The following PTPRR variants were observed in gnomAD, a reference collection of about 807,000 sequenced individuals.
PTPRR encodes the protein receptor-type tyrosine-protein phosphatase R.
A neutral mutation model predicts 77.2 loss-of-function variants in PTPRR; 38 were observed. The ratio of observed to expected loss-of-function variants is 0.49; its 90% CI spans 0.38 to 0.65. The LOEUF (loss-of-function observed/expected upper bound fraction) is 0.65, where lower values mean the gene tolerates loss of function less well. Ranked by LOEUF, PTPRR falls within the 30% of genes least tolerant of loss-of-function variation. The probability of loss-of-function intolerance (pLI) is 0.00; values close to 1 mark genes in which losing one functional copy is unlikely to be tolerated. For synonymous variants in PTPRR, 299 were observed against 283.1 expected (o/e 1.06, Z -0.57); for missense variants, 744 against 799.2 (o/e 0.93, Z 0.83).
rs184005197 is a variant in PTPRR at position 70,804,962 on chromosome 12, A to T, written c.358-40184T>A. Among the ~76,000 whole-genome samples, 25 of 152,334 alleles carry T rather than the reference A, an allele frequency of 1.6e-4. No individual in the cohort carries two copies. In the East Asian group the frequency reaches 4.0e-3, roughly 25 times the overall value. ...ATCATGTCCATATATTCACTAAAAG[A>T]TAGCAAATAATATTTTATGTATCTC... On this transcript the variant is annotated intron_variant, in intron 2 of 13. Coordinates refer to ENST00000283228, the MANE Select transcript of PTPRR (RefSeq NM_002849.4).
intron 1 of PTPRR, among the ~76,000 whole-genome samples, chr12:70,910,686 C>T (rs1893686918): frequency 6.6e-6 from 1 of 152,074 alleles, no homozygotes; most frequent in Non-Finnish European, 1.5e-5. Context: ...GGAAATAAAA[C>T]AATCAAAAGT....
At chr12:70,708,895 G>A (rs749632273) in intron 6 of PTPRR, among the ~76,000 whole-genome samples, 4 of 151,242 alleles carry the variant, frequency 2.6e-5, no homozygotes, top group Non-Finnish European at 5.9e-5. Context: ...GTCTCTTTAT[G>A]CAATCAACTA....
At position 70,752,657 on chromosome 12, in the gene PTPRR, A is replaced by G. The variant is rs144859031; in HGVS notation, c.738+1534T>C. Among the ~76,000 whole-genome samples, 60 of 152,272 alleles carry G rather than the reference A, an allele frequency of 3.9e-4. 1 individual carries two copies. The South Asian group carries it at 5.0e-3, about 13-fold the overall frequency. ...TCTATCCTTGCCTTTGCTCTTCTGAATCACATCCATTGATCCCCTGAATAT... is the reference window on the plus strand; with the variant it reads ...TCTATCCTTGCCTTTGCTCTTCTGAGTCACATCCATTGATCCCCTGAATAT... On this transcript the variant is annotated intron_variant, in intron 5 of 13. Transcript: ENST00000283228.
At chr12:70,733,470 C>CAAAAAA (rs1193950231) in intron 6 of PTPRR, among the ~76,000 whole-genome samples, 2 of 74,078 alleles carry the variant, frequency 2.7e-5, no homozygotes, top group African/African-American at 8.7e-5. Flanking sequence ...AAAATTATGG[C>CAAAAAA]AAAAAAAAAA....
At chr12:70,694,871 T>G (rs1888177404) in intron 8 of PTPRR, among the ~76,000 whole-genome samples, 1 of 152,212 alleles carries the variant, frequency 6.6e-6, no homozygotes, top group African/African-American at 2.4e-5. Flanking sequence ...TTTCTATTGA[T>G]GTATGATTAT....
chr12:70,894,902 T>C (rs1427797499), intron 1 of PTPRR, among the ~76,000 whole-genome samples: 2 of 151,738 alleles, frequency 1.3e-5, no homozygotes, highest in Non-Finnish European at 3.0e-5. Context: ...CAATTTAGCA[T>C]GCTCGGAACT....
At chr12:70,809,163 T>A (rs188722693) in intron 2 of PTPRR, among the ~76,000 whole-genome samples, 181 of 152,298 alleles carry the variant, frequency 1.2e-3, no homozygotes, top group Non-Finnish European at 2.3e-3. Flanking sequence ...TTATGTTTCC[T>A]TATAAAAAAG....
intron 6 of PTPRR, among the ~76,000 whole-genome samples, chr12:70,712,149 C>T (rs1413957737): frequency 6.6e-6 from 1 of 151,914 alleles, no homozygotes; most frequent in Non-Finnish European, 1.5e-5. Context: ...TGCTGGGTTA[C>T]TCTGTGGCCA....
rs869285373 is a variant in PTPRR, at chr12:70,827,709, C to CTT, written c.358-62933_358-62932dup. Among the ~76,000 whole-genome samples, 19 of 63,870 alleles carry CTT rather than the reference C, an allele frequency of 3.0e-4. 3 individuals carry two copies. Among genetic ancestry groups the CTT allele is most frequent in the Non-Finnish European group, 4.0e-4 (15 of 37,060 alleles). 41.9% of individuals were successfully genotyped at this position (63,870 alleles called of 152,430 possible). A position where few individuals can be genotyped will look rare whatever the true frequency, so the allele number is the denominator to read the frequency against. ...TATAGGTGCCTGCCACCACACCTGG[C>CTT]TTTTTTTTTTTTTTTTTTTTTTTTT... On this transcript the variant is annotated intron_variant, in intron 2 of 13. Transcript: ENST00000283228.
At chr12:70,918,610 A>G (rs916876852) in intron 1 of PTPRR, among the ~76,000 whole-genome samples, 3 of 152,216 alleles carry the variant, frequency 2.0e-5, no homozygotes, top group African/African-American at 4.8e-5. Flanking sequence ...GTAAATCAAG[A>G]CATGTTTTTC....
intron 2 of PTPRR, among the ~76,000 whole-genome samples, chr12:70,799,774 G>A (rs543335954): frequency 7.9e-5 from 12 of 152,222 alleles, no homozygotes; most frequent in African/African-American, 2.2e-4. Context: ...TCCAAGCCCC[G>A]TTTTTTAAAT....
chr12:70,876,144 C>A (rs1008897367), intron 2 of PTPRR, among the ~76,000 whole-genome samples: 1 of 151,974 alleles, frequency 6.6e-6, no homozygotes, highest in African/African-American at 2.4e-5. Flanking sequence ...GCTAAAAAAT[C>A]TTTCTTTTGA....
At position 70,825,813 on chromosome 12, in the gene PTPRR, T is replaced by A. The variant is rs545662134; in HGVS notation, c.358-61035A>T. Among the ~76,000 whole-genome samples the A allele has an allele frequency of 6.6e-4, 100 of 152,282 alleles. 1 individual carries two copies. The South Asian group carries it at 0.011, about 16-fold the overall frequency. ...AGCACTGTGCCTGGTATGAAAAAAGTCTTCAATAAATTGGGGGAAGAAGCA... is the reference window on the plus strand; with the variant it reads ...AGCACTGTGCCTGGTATGAAAAAAGACTTCAATAAATTGGGGGAAGAAGCA... On this transcript the variant is annotated intron_variant, in intron 2 of 13. Transcript: ENST00000283228.
chr12:70,713,184 T>A (rs899787034), intron 6 of PTPRR, among the ~76,000 whole-genome samples: 1 of 152,194 alleles, frequency 6.6e-6, no homozygotes, highest in African/African-American at 2.4e-5. Context: ...TTACGTAGCA[T>A]AAATGTTTTC....
chr12:70,821,112 T>C (rs995473403), intron 2 of PTPRR, among the ~76,000 whole-genome samples: 2 of 151,062 alleles, frequency 1.3e-5, no homozygotes, highest in African/African-American at 4.8e-5. Flanking sequence ...TGGTTGTCCA[T>C]ATAGGACGAT....
At chr12:70,693,939 T>C (rs569863654) in intron 8 of PTPRR, among the ~76,000 whole-genome samples, 3 of 152,198 alleles carry the variant, frequency 2.0e-5, no homozygotes, top group Non-Finnish European at 4.4e-5. Flanking sequence ...GGCTTACTAT[T>C]AGTTGGAACT....
At chr12:70,682,622 C>T (rs1340745347) in intron 10 of PTPRR, among the ~76,000 whole-genome samples, 2 of 151,892 alleles carry the variant, frequency 1.3e-5, no homozygotes, top group African/African-American at 4.8e-5. Context: ...ATCTAGTCTG[C>T]TGTATTACAT....
chr12:70,879,797 T>A (rs1490036758), intron 2 of PTPRR, among the ~76,000 whole-genome samples: 1 of 152,102 alleles, frequency 6.6e-6, no homozygotes, highest in Non-Finnish European at 1.5e-5. Flanking sequence ...CAGAAAAGAT[T>A]TGGGGCAGCT....
intron 1 of PTPRR, among the ~76,000 whole-genome samples, chr12:70,904,102 T>G (rs1486605222): frequency 3.9e-5 from 6 of 151,916 alleles, no homozygotes; most frequent in Admixed American, 3.3e-4. Context: ...GTCTCAGACC[T>G]TGCAGGTGAG....
Sources: allele counts gnomAD v4.1 joint callset (sites outside exome capture counted in the v4.1 genomes callset), GRCh38; gene constraint gnomAD v4.1.1; transcripts MANE v1.5; gene names NCBI Gene and HGNC (gene_info 2026-07-23, HGNC 2026-07-21).